Variants in PUM3 observed in about 807,000 individuals in gnomAD.
PUM3 encodes the protein pumilio homolog 3.
Under a neutral mutation model 84.0 loss-of-function variants are expected in PUM3, and 91 were observed. The ratio of observed to expected loss-of-function variants is 1.08; its 90% confidence interval spans 0.91 to 1.29. The LOEUF (loss-of-function observed/expected upper bound fraction) is 1.29. PUM3 is among the 50% of genes most tolerant of loss of function. PUM3 has a pLI of 0.00. For synonymous variants in PUM3, 321 were observed against 266.7 expected, an observed-to-expected ratio of 1.20 and a Z score of -1.98; for missense variants, 1,067 against 767.5, an observed-to-expected ratio of 1.39 and a Z score of -4.61.
At chr9:2,811,239 C>G in intron 15 of PUM3, 122 bp downstream of exon 15, 1 of 740,562 alleles carries the variant, frequency 1.4e-6, no homozygotes, top group South Asian at 1.7e-5. Flanking sequence ...GTGAGAGGTT[C>G]TTGGTTGTTT....
chr9:2,822,490 AG>A (rs2129830759), intron 12 of PUM3, among the ~76,000 whole-genome samples: 1 of 151,966 alleles, frequency 6.6e-6, no homozygotes, highest in East Asian at 1.9e-4. Context: ...TAACTCTTCG[AG>A]ATTTAAAAAG....
At chr9:2,805,678 T>G (rs1372448615) in intron 17 of PUM3, among the ~76,000 whole-genome samples, 2 of 152,202 alleles carry the variant, frequency 1.3e-5, no homozygotes, top group Non-Finnish European at 2.9e-5. Flanking sequence ...ATACAACACA[T>G]AATAGTAAGT....
chr9:2,834,311 T>C (rs1271474468), intron 3 of PUM3, 145 bp from the exon 4 acceptor site: 5 of 601,092 alleles, frequency 8.3e-6, no homozygotes, highest in Admixed American at 6.9e-5. Context: ...CCCCCATATA[T>C]ACTTCACTTT....
chr9:2,842,613 C>T (rs1019342754), intron 1 of PUM3, among the ~76,000 whole-genome samples: 5 of 152,108 alleles, frequency 3.3e-5, no homozygotes, highest in Admixed American at 1.3e-4. Flanking sequence ...AGGGAACTTC[C>T]CTTCTCTCTC....
intron 12 of PUM3, among the ~76,000 whole-genome samples, chr9:2,820,693 T>A (rs543696390): frequency 1.3e-5 from 2 of 152,204 alleles, no homozygotes; most frequent in Admixed American, 1.3e-4. Flanking sequence ...AGAATATAAA[T>A]ATGAAAAAAT....
chr9:2,833,543 TTCTAAG>T (rs1326026558), intron 4 of PUM3, 111 bp from the exon 5 acceptor site: 2 of 561,428 alleles, frequency 3.6e-6, no homozygotes, highest in Non-Finnish European at 6.0e-6. Flanking sequence ...TGATTTTCTT[TTCTAAG>T]GCAGCAAACC....
intron 1 of PUM3, among the ~76,000 whole-genome samples, chr9:2,841,814 C>T (rs574011196): frequency 6.6e-6 from 1 of 152,066 alleles, no homozygotes; most frequent in African/African-American, 2.4e-5. Context: ...TTGTCACAGC[C>T]TGCATTCCAT....
chr9:2,806,197 T>G (rs1476522103), intron 17 of PUM3, among the ~76,000 whole-genome samples: 2 of 152,196 alleles, frequency 1.3e-5, no homozygotes, highest in Non-Finnish European at 2.9e-5. Context: ...TTGAGTGTAA[T>G]GAAAGAATGT....
Position 2,827,271 on chromosome 9 carries a change from A to G in PUM3, c.957-120T>C, listed in dbSNP as rs2270890. 1,468 of 643,556 alleles carry G rather than the reference A, an allele frequency of 2.3e-3. 20 individuals are homozygous for G. In the East Asian group the frequency reaches 0.037, roughly 16 times the overall value. 39.9% of individuals were successfully genotyped at this position (643,556 alleles called of 1,614,324 possible). A position where few individuals can be genotyped will look rare whatever the true frequency, so the allele number is the denominator to read the frequency against. On this transcript the variant is annotated intron_variant, in intron 9 of 17. Transcript: ENST00000397885. Reference sequence around the variant, plus strand: ...AAGTGAAATGGTTTTACTGAATACAATTTGTCATAAAATAGACTGTATTTT... The same window carrying G: ...AAGTGAAATGGTTTTACTGAATACAGTTTGTCATAAAATAGACTGTATTTT...
chr9:2,828,680 G>T lies in PUM3; in HGVS notation c.951C>A (p.Ala317=), dbSNP rs1443370858. Residue 317 remains alanine, a synonymous_variant, in exon 9 of 18, where the codon GCC becomes GCA. Transcript: ENST00000397885. The part of the protein sequence containing the change: ...DEMKQILTPM[A]QKEAVIKHSL... Reference sequence around the variant, plus strand: ...AACAAAAACAACTTTCTTACTTTTGGGCCATTGGAGTTAGAATCTGTTTCA... The same window carrying T: ...AACAAAAACAACTTTCTTACTTTTGTGCCATTGGAGTTAGAATCTGTTTCA... 1 of 1,562,300 alleles carries T rather than the reference G, an allele frequency of 6.4e-7. No homozygotes were observed. Among genetic ancestry groups the T allele is most frequent in the South Asian group, 1.1e-5 (1 of 89,524 alleles).
rs148147075 is a variant in PUM3 at position 2,811,461 on chromosome 9, G to C, written c.1535C>G (p.Ser512Cys). 3 of 1,614,054 alleles carry C rather than the reference G, an allele frequency of 1.9e-6. No individual in the cohort carries two copies. The African/African-American group carries it at 4.0e-5, about 22-fold the overall frequency. The change falls in exon 15 of 18, where the codon TCT (serine) becomes TGT (cysteine). Residue 512 changes from serine (S) to cysteine (C), a missense_variant. Coordinates refer to ENST00000397885, the MANE Select transcript of PUM3 (RefSeq NM_014878.5). Reference sequence around the variant, plus strand: ...TCCAGTGGCAGATCCCAGAATGTCAGACACCAACACACACGCAGACTTATC... The same window carrying C: ...TCCAGTGGCAGATCCCAGAATGTCACACACCAACACACACGCAGACTTATC... ...VLDKSACVLV[S>C]DILGSATGDV...
In PUM3 at chr9:2,837,417, A is replaced by ACT; in HGVS notation, c.83-17_83-16insAG. ...GAACCAGAATCTAGTGACAATAATA[A>ACT]TTATAAGTTCAATGATTCTGGGCCC... On this transcript the variant is annotated splice_polypyrimidine_tract_variant and intron_variant, in intron 2 of 17. Coordinates refer to ENST00000397885, the MANE Select transcript of PUM3 (RefSeq NM_014878.5). 6.6e-7 allele frequency: 1 copy of ACT among 1,524,636 alleles called. No homozygotes were observed. Among genetic ancestry groups the ACT allele is most frequent in the Non-Finnish European group, 9.1e-7 (1 of 1,104,740 alleles). 94.4% of individuals were successfully genotyped at this position (1,524,636 alleles called of 1,614,324 possible). A position where few individuals can be genotyped will look rare whatever the true frequency, so the allele number is the denominator to read the frequency against.
chr9:2,816,886 T>C (rs780641697), intron 13 of PUM3, among the ~76,000 whole-genome samples: 7 of 152,276 alleles, frequency 4.6e-5, no homozygotes, highest in African/African-American at 1.4e-4. Flanking sequence ...TATCGGGCTA[T>C]GATTTCAACT....
intron 16 of PUM3, 62 bp downstream of exon 16, chr9:2,810,282 G>T: frequency 9.2e-7 from 1 of 1,088,032 alleles, no homozygotes; most frequent in Non-Finnish European, 1.4e-6. Context: ...AAAGTTCAGG[G>T]ATGCCAGGAA....
chr9:2,829,176 T>A (rs1201719816), intron 8 of PUM3, among the ~76,000 whole-genome samples: 1 of 152,244 alleles, frequency 6.6e-6, no homozygotes, highest in Non-Finnish European at 1.5e-5. Context: ...GAATTGAACC[T>A]GGCTAATGGA....
At chr9:2,843,681 C>G (rs1185841206) in intron 1 of PUM3, among the ~76,000 whole-genome samples, 3 of 151,208 alleles carry the variant, frequency 2.0e-5, no homozygotes, top group Admixed American at 1.3e-4. Context: ...CGGGTTCACG[C>G]CATTCTCCTG....
chr9:2,836,136 C>T (rs1044457446), intron 3 of PUM3, among the ~76,000 whole-genome samples: 1 of 152,132 alleles, frequency 6.6e-6, no homozygotes, highest in East Asian at 1.9e-4. Flanking sequence ...CATTTCCCCT[C>T]CTTCCTCTCT....
chr9:2,839,957 T>C (rs552583487), intron 1 of PUM3, among the ~76,000 whole-genome samples: 2 of 152,312 alleles, frequency 1.3e-5, no homozygotes, highest in African/African-American at 2.4e-5. Flanking sequence ...CAGAGTTGAG[T>C]TGGAGTTTAC....
intron 12 of PUM3, among the ~76,000 whole-genome samples, chr9:2,822,269 A>T (rs1815665083): frequency 6.6e-6 from 1 of 152,176 alleles, no homozygotes; most frequent in Non-Finnish European, 1.5e-5. Context: ...CTAATTGACA[A>T]ATATAGAATA....
Sources: gnomAD v4.1 joint callset for allele counts (sites outside exome capture counted in the v4.1 genomes callset) on GRCh38, gnomAD v4.1.1 for gene constraint, MANE v1.5 for transcripts, NCBI Gene and HGNC (gene_info 2026-07-23, HGNC 2026-07-21) for gene names.